Variants in RBFOX1 observed in about 807,000 individuals in gnomAD.
RBFOX1 encodes RNA binding fox-1 homolog 1, also known as RNA binding protein fox-1 homolog 1.
Under a neutral mutation model 57.7 loss-of-function variants are expected in RBFOX1, and 8 were observed. That is an observed-to-expected ratio of 0.14 (90% CI 0.08 to 0.25). The LOEUF (loss-of-function observed/expected upper bound fraction) is 0.25. Ranked by LOEUF, RBFOX1 falls within the 10% of genes least tolerant of loss-of-function variation. The pLI is 1.00. For missense variants in RBFOX1, 611 were observed against 548.5 expected, an observed-to-expected ratio of 1.11 and a Z score of -1.14; for synonymous variants, 326 against 222.4, an observed-to-expected ratio of 1.47 and a Z score of -4.15.
chr16:6,664,317 A>G (rs1324154847), intron 3 of RBFOX1, among the ~76,000 whole-genome samples: 6 of 152,184 alleles, frequency 3.9e-5, no homozygotes, highest in Non-Finnish European at 7.3e-5. Flanking sequence ...CCTCTTGGGC[A>G]TGGCTCTCAT....
chr16:6,286,437 C>G (rs1310137368), intron 1 of RBFOX1, among the ~76,000 whole-genome samples: 1 of 152,212 alleles, frequency 6.6e-6, no homozygotes, highest in Non-Finnish European at 1.5e-5. Context: ...CTGAGTTGCT[C>G]AAAGTCTCTG....
chr16:6,492,076 A>G (rs1259994283), intron 2 of RBFOX1, among the ~76,000 whole-genome samples: 4 of 152,072 alleles, frequency 2.6e-5, no homozygotes, highest in Non-Finnish European at 5.9e-5. Flanking sequence ...GGACATGAAT[A>G]TAGGTTTTGG....
chr16:6,264,757 C>T (rs73531475), intron 1 of RBFOX1, among the ~76,000 whole-genome samples: 19,626 of 152,120 alleles, frequency 0.13, 2,013 homozygotes, highest in African/African-American at 0.28. Context: ...TTTTTGCAGC[C>T]TATGTTGTCT....
At chr16:7,125,889 C>G (rs1030959197) in intron 4 of RBFOX1, among the ~76,000 whole-genome samples, 1 of 152,134 alleles carries the variant, frequency 6.6e-6, no homozygotes. Flanking sequence ...TCAAGACCAT[C>G]CTGGCCAACA....
At chr16:6,867,680 G>C (rs1472091199) in intron 3 of RBFOX1, among the ~76,000 whole-genome samples, 1 of 152,036 alleles carries the variant, frequency 6.6e-6, no homozygotes, top group East Asian at 1.9e-4. Flanking sequence ...GAGATTGCCT[G>C]GGTGACAGAG....
chr16:6,941,910 C>G (rs541832062), intron 3 of RBFOX1, among the ~76,000 whole-genome samples: 26 of 152,090 alleles, frequency 1.7e-4, no homozygotes, highest in Non-Finnish European at 3.4e-4. Context: ...TGTGCTCAAG[C>G]AGTCCTCCCG....
intron 1 of RBFOX1, among the ~76,000 whole-genome samples, chr16:6,165,987 C>T (rs1041212604): frequency 6.6e-6 from 1 of 152,220 alleles, no homozygotes; most frequent in Non-Finnish European, 1.5e-5. Flanking sequence ...AATGTTTCTT[C>T]TGTGAGGTGT....
intron 2 of RBFOX1, among the ~76,000 whole-genome samples, chr16:6,423,906 A>G (rs1365276993): frequency 6.6e-6 from 1 of 152,132 alleles, no homozygotes; most frequent in Non-Finnish European, 1.5e-5. Flanking sequence ...TCTTGAGGCT[A>G]GGAAACAGTC....
intron 2 of RBFOX1, among the ~76,000 whole-genome samples, chr16:5,571,887 G>A (rs555280040): frequency 2.2e-4 from 34 of 152,174 alleles, no homozygotes; most frequent in African/African-American, 3.6e-4. Flanking sequence ...ACCAAGGTCC[G>A]TAGCACCAAA....
At position 6,773,855 on chromosome 16, in the gene RBFOX1, G is replaced by A. The variant is rs8056832; in HGVS notation, c.-16+119205G>A. 5.1e-3 allele frequency: 2,999 copies of A among 586,394 alleles called. 95 individuals carry two copies. The African/African-American group carries it at 0.057, about 11-fold the overall frequency. The allele number at this position is 586,394 out of a possible 1,614,324, so 36.3% of individuals were successfully genotyped here. A position where few individuals can be genotyped will look rare whatever the true frequency, so the allele number is the denominator to read the frequency against. ...ATGGGGTGCATTTGTGTGTATATAT[G>A]TGTGGATGTAGGGTGCGTTTGTCTG... On this transcript the variant is annotated intron_variant, in intron 3 of 15. Coordinates refer to ENST00000550418, the MANE Select transcript of RBFOX1 (RefSeq NM_018723.4).
At chr16:6,787,018 C>T (rs1048845345) in intron 3 of RBFOX1, among the ~76,000 whole-genome samples, 5 of 152,082 alleles carry the variant, frequency 3.3e-5, no homozygotes, top group Admixed American at 2.0e-4. Flanking sequence ...CTTTGGGGTT[C>T]AGGTTGGAAT....
intron 3 of RBFOX1, among the ~76,000 whole-genome samples, chr16:6,728,594 G>T (rs753120129): frequency 2.9e-4 from 44 of 152,210 alleles, no homozygotes; most frequent in Admixed American, 1.2e-3. Context: ...TAGGGAAGCA[G>T]TGCTTTCAGA....
At chr16:7,465,112 C>G (rs545749175) in intron 4 of RBFOX1, among the ~76,000 whole-genome samples, 1 of 152,200 alleles carries the variant, frequency 6.6e-6, no homozygotes, top group East Asian at 1.9e-4. Flanking sequence ...CCTTAGAACC[C>G]CAAGTTATTT....
intron 4 of RBFOX1, among the ~76,000 whole-genome samples, chr16:7,334,054 T>G (rs973505331): frequency 6.6e-6 from 1 of 152,154 alleles, no homozygotes; most frequent in Non-Finnish European, 1.5e-5. Context: ...CCCCTCATAG[T>G]TAAAAACTAT....
intron 12 of RBFOX1, among the ~76,000 whole-genome samples, chr16:7,659,156 C>G (rs1170505155): frequency 6.6e-6 from 1 of 152,118 alleles, no homozygotes; most frequent in African/African-American, 2.4e-5. Flanking sequence ...TGTAAACTTC[C>G]CAGAGTTACC....
chr16:6,660,126 G>C (rs1229746359), intron 3 of RBFOX1, among the ~76,000 whole-genome samples: 1 of 151,812 alleles, frequency 6.6e-6, no homozygotes, highest in African/African-American at 2.4e-5. Flanking sequence ...TTGGGAAGCT[G>C]AGGTGGAGAA....
chr16:6,919,882 C>T (rs758661544), intron 3 of RBFOX1, among the ~76,000 whole-genome samples: 9 of 150,552 alleles, frequency 6.0e-5, no homozygotes, highest in African/African-American at 1.9e-4. Context: ...GTGCACCCAT[C>T]ACCTGAGCAG....
intron 1 of RBFOX1, among the ~76,000 whole-genome samples, chr16:6,243,365 G>A (rs2097550218): frequency 6.6e-6 from 1 of 152,128 alleles, no homozygotes; most frequent in African/African-American, 2.4e-5. Context: ...AGTACTTCTG[G>A]AGGTTTGGAA....
intron 3 of RBFOX1, among the ~76,000 whole-genome samples, chr16:6,974,687 G>T (rs1185127553): frequency 1.3e-5 from 2 of 152,018 alleles, no homozygotes; most frequent in African/African-American, 4.8e-5. Context: ...AGACCATCAG[G>T]AGGGTAGTAA....
Sources: gnomAD v4.1 joint callset for allele counts (sites outside exome capture counted in the v4.1 genomes callset) on GRCh38, gnomAD v4.1.1 for gene constraint, MANE v1.5 for transcripts, NCBI Gene and HGNC (gene_info 2026-07-23, HGNC 2026-07-21) for gene names.